Variants in MYRIP observed in about 807,000 individuals in gnomAD.
MYRIP encodes the protein myosin VIIA and Rab interacting protein.
A neutral mutation model predicts 98.0 loss-of-function variants in MYRIP; 49 were observed. The ratio of observed to expected loss-of-function variants is 0.50; its 90% CI spans 0.40 to 0.63. The LOEUF (loss-of-function observed/expected upper bound fraction) is 0.63. Ranked by LOEUF, MYRIP falls within the 30% of genes least tolerant of loss-of-function variation. The pLI is 0.00. For synonymous variants in MYRIP, 404 were observed against 409.5 expected (o/e 0.99, Z 0.16); for missense variants, 1,004 against 1,058.2 (o/e 0.95, Z 0.71).
chr3:39,880,673 G>C (rs1398175230), intron 1 of MYRIP, among the ~76,000 whole-genome samples: 1 of 151,970 alleles, frequency 6.6e-6, no homozygotes. Flanking sequence ...ATTCTTTCTA[G>C]CTCCTTAGGT....
chr3:40,244,696 T>C lies in MYRIP; in HGVS notation c.2262+89T>C, dbSNP rs186735853. 1.5e-4 allele frequency: 198 copies of C among 1,363,460 alleles called. 1 individual carries two copies. In the African/African-American group the frequency reaches 2.7e-3, roughly 19 times the overall value. The allele number at this position is 1,363,460 out of a possible 1,614,324, so 84.5% of individuals were successfully genotyped here. A position where few individuals can be genotyped will look rare whatever the true frequency, so the allele number is the denominator to read the frequency against. On this transcript the variant is annotated intron_variant, in intron 13 of 16. Coordinates refer to ENST00000302541, the MANE Select transcript of MYRIP (RefSeq NM_015460.4). ...CAAGAATCACTTTAAAGCCATTGTATCTATCAGCTCCCATCATCTCCAGCA... is the reference window on the plus strand; with the variant it reads ...CAAGAATCACTTTAAAGCCATTGTACCTATCAGCTCCCATCATCTCCAGCA...
intron 16 of MYRIP, among the ~76,000 whole-genome samples, chr3:40,257,817 T>C (rs1372318874): frequency 6.6e-6 from 1 of 152,198 alleles, no homozygotes; most frequent in Non-Finnish European, 1.5e-5. Context: ...ATTATCTTTA[T>C]AAAAGATTTA....
intron 2 of MYRIP, among the ~76,000 whole-genome samples, chr3:40,032,373 G>A (rs1369661728): frequency 1.3e-5 from 2 of 152,098 alleles, no homozygotes; most frequent in East Asian, 3.9e-4. Flanking sequence ...TAGTTTGATT[G>A]CACTGTGGTC....
intron 2 of MYRIP, among the ~76,000 whole-genome samples, chr3:39,983,572 C>G (rs1023359117): frequency 1.3e-5 from 2 of 152,136 alleles, no homozygotes; most frequent in African/African-American, 4.8e-5. Context: ...CAACAAATAG[C>G]CTGCCACTGG....
chr3:40,180,063 GCAT>G (rs897242606), intron 8 of MYRIP, among the ~76,000 whole-genome samples: 14 of 152,186 alleles, frequency 9.2e-5, no homozygotes, highest in African/African-American at 2.9e-4. Context: ...TTGTCAAGCT[GCAT>G]CATCCAAACT....
At chr3:39,852,280 G>C (rs1186905698) in intron 1 of MYRIP, among the ~76,000 whole-genome samples, 1 of 152,192 alleles carries the variant, frequency 6.6e-6, no homozygotes, top group Non-Finnish European at 1.5e-5. Flanking sequence ...TGGGAGACTA[G>C]TAACAACTTG....
chr3:40,035,211 C>T (rs2125823128), intron 2 of MYRIP, among the ~76,000 whole-genome samples: 1 of 151,212 alleles, frequency 6.6e-6, no homozygotes, highest in African/African-American at 2.4e-5. Flanking sequence ...TACCCTAAAA[C>T]TTAAAGTATA....
At chr3:39,814,337 C>T (rs75570620) in intron 1 of MYRIP, among the ~76,000 whole-genome samples, 1,945 of 152,196 alleles carry the variant, frequency 0.013, 47 homozygotes, top group African/African-American at 0.044. Context: ...TGCTCTTTTA[C>T]TTTGCATTTC....
intron 3 of MYRIP, among the ~76,000 whole-genome samples, chr3:40,111,664 C>T (rs1403450246): frequency 6.6e-6 from 1 of 151,910 alleles, no homozygotes; most frequent in Non-Finnish European, 1.5e-5. Context: ...GGCTTGTGGG[C>T]TCTGAGTCCC....
At chr3:39,854,719 T>C (rs1333889238) in intron 1 of MYRIP, among the ~76,000 whole-genome samples, 1 of 152,210 alleles carries the variant, frequency 6.6e-6, no homozygotes, top group Non-Finnish European at 1.5e-5. Flanking sequence ...GAATCTTCTT[T>C]TGTCATATTA....
At chr3:40,221,042 C>CAAAAAAAAAAAAA (rs150976340) in intron 11 of MYRIP, among the ~76,000 whole-genome samples, 11 of 61,606 alleles carry the variant, frequency 1.8e-4, no homozygotes, top group East Asian at 4.9e-4. Context: ...GGCAAGTCAC[C>CAAAAAAAAAAAAA]AAAAAAAAAA....
chr3:40,136,737 A>G (rs183971496), intron 3 of MYRIP, among the ~76,000 whole-genome samples: 1 of 152,368 alleles, frequency 6.6e-6, no homozygotes, highest in East Asian at 1.9e-4. Flanking sequence ...AACTCACGCA[A>G]AACTGATCAA....
intron 12 of MYRIP, among the ~76,000 whole-genome samples, chr3:40,243,590 CTCTT>C (rs1344883771): frequency 2.2e-4 from 33 of 152,252 alleles, no homozygotes; most frequent in Admixed American, 1.9e-3. Context: ...TCAAGAACCT[CTCTT>C]TAAGTAATTA....
chr3:39,834,534 C>A (rs1941565455), intron 1 of MYRIP, among the ~76,000 whole-genome samples: 1 of 152,080 alleles, frequency 6.6e-6, no homozygotes, highest in South Asian at 2.1e-4. Context: ...TAAAGTTTAA[C>A]TAAATTTTGT....
intron 1 of MYRIP, among the ~76,000 whole-genome samples, chr3:39,849,315 G>A (rs544818495): frequency 6.6e-6 from 1 of 152,280 alleles, no homozygotes; most frequent in South Asian, 2.1e-4. Flanking sequence ...TCTGAAGTTG[G>A]ATACAAATAG....
chr3:40,235,952 G>C (rs112975518), intron 12 of MYRIP, among the ~76,000 whole-genome samples: 1 of 152,220 alleles, frequency 6.6e-6, no homozygotes, highest in African/African-American at 2.4e-5. Flanking sequence ...CTGGAGGGAG[G>C]AGAAGACAGT....
At chr3:39,857,542 C>T (rs1942343290) in intron 1 of MYRIP, among the ~76,000 whole-genome samples, 1 of 152,018 alleles carries the variant, frequency 6.6e-6, no homozygotes, top group African/African-American at 2.4e-5. Context: ...ATTGAATTAT[C>T]CAGCCAGAGG....
chr3:40,031,082 T>C (rs1314015421), intron 2 of MYRIP, among the ~76,000 whole-genome samples: 2 of 152,126 alleles, frequency 1.3e-5, no homozygotes, highest in Non-Finnish European at 2.9e-5. Context: ...ACTGGGTGGC[T>C]AATAAACAAA....
intron 1 of MYRIP, among the ~76,000 whole-genome samples, chr3:39,829,460 ATGTAGTT>A (rs1941371324): frequency 6.6e-6 from 1 of 152,132 alleles, no homozygotes; most frequent in African/African-American, 2.4e-5. Flanking sequence ...GGACATAGTA[ATGTAGTT>A]CCTGTTCTGT....
Sources: gnomAD v4.1 joint callset for allele counts (sites outside exome capture counted in the v4.1 genomes callset) on GRCh38, gnomAD v4.1.1 for gene constraint, MANE v1.5 for transcripts, NCBI Gene and HGNC (gene_info 2026-07-23, HGNC 2026-07-21) for gene names.